NTN4: variants seen among roughly 807,000 people sequenced by gnomAD.
NTN4 encodes the protein netrin-4.
NTN4 carries 32 observed loss-of-function variants against 73.6 expected under a neutral mutation model. The ratio of observed to expected loss-of-function variants is 0.44; its 90% CI spans 0.33 to 0.58. The LOEUF is 0.58. Ranked by LOEUF, NTN4 falls within the 20% of genes least tolerant of loss-of-function variation. NTN4 has a pLI of 0.04. For missense variants in NTN4, 654 were observed against 798.3 expected (o/e 0.82, Z 2.18); for synonymous variants, 258 against 287.5 (o/e 0.90, Z 1.04).
intron 2 of NTN4, among the ~76,000 whole-genome samples, chr12:95,767,226 T>C (rs924552476): frequency 6.6e-6 from 1 of 152,072 alleles, no homozygotes; most frequent in African/African-American, 2.4e-5. Context: ...CAGGTGCACT[T>C]TTCCATGGAA....
intron 3 of NTN4, among the ~76,000 whole-genome samples, chr12:95,727,562 C>G (rs1025292042): frequency 1.3e-5 from 2 of 152,208 alleles, no homozygotes; most frequent in African/African-American, 4.8e-5. Context: ...AATTTTAGCT[C>G]TATATTTAGG....
At chr12:95,785,047 C>G (rs917961245) in intron 2 of NTN4, among the ~76,000 whole-genome samples, 3 of 152,132 alleles carry the variant, frequency 2.0e-5, no homozygotes, top group East Asian at 1.9e-4. Context: ...AATGAGCATG[C>G]CTGCCATCTG....
chr12:95,716,917 C>T (rs911908799), intron 3 of NTN4, among the ~76,000 whole-genome samples: 4 of 151,976 alleles, frequency 2.6e-5, no homozygotes, highest in Non-Finnish European at 5.9e-5. Flanking sequence ...GGAAGTGATC[C>T]TCCCATCTGA....
intron 5 of NTN4, among the ~76,000 whole-genome samples, chr12:95,698,371 A>G (rs2078457737): frequency 6.6e-6 from 1 of 152,186 alleles, no homozygotes; most frequent in Admixed American, 6.5e-5. Context: ...GACCTTCTGA[A>G]GATTTTGATA....
chr12:95,686,063 GTTATTT>G (rs1167555335), intron 5 of NTN4, among the ~76,000 whole-genome samples: 1 of 149,610 alleles, frequency 6.7e-6, no homozygotes, highest in Non-Finnish European at 1.5e-5. Flanking sequence ...TTTGTAATTT[GTTATTT>G]TTTTATAGCG....
intron 9 of NTN4, among the ~76,000 whole-genome samples, chr12:95,663,236 A>G (rs1020624696): frequency 3.3e-5 from 5 of 152,260 alleles, no homozygotes; most frequent in African/African-American, 1.2e-4. Flanking sequence ...AAGTATAAAT[A>G]TAAGTTAAAT....
chr12:95,721,417 C>A (rs969961057), intron 3 of NTN4, among the ~76,000 whole-genome samples: 1 of 152,168 alleles, frequency 6.6e-6, no homozygotes, highest in African/African-American at 2.4e-5. Flanking sequence ...ACTTTTTGAT[C>A]TTCACTGGTT....
At chr12:95,726,654 G>A (rs765745557) in intron 3 of NTN4, among the ~76,000 whole-genome samples, 116 of 152,196 alleles carry the variant, frequency 7.6e-4, no homozygotes, top group Non-Finnish European at 1.4e-3. Context: ...GGGTCATATG[G>A]CAACTCCATA....
At chr12:95,684,690 C>T (rs2078348118) in intron 5 of NTN4, among the ~76,000 whole-genome samples, 1 of 152,114 alleles carries the variant, frequency 6.6e-6, no homozygotes, top group African/African-American at 2.4e-5. Context: ...AGTCTGACAA[C>T]CTGCAGCAGT....
chr12:95,780,799 G>A (rs749449121), intron 2 of NTN4, among the ~76,000 whole-genome samples: 10 of 152,158 alleles, frequency 6.6e-5, no homozygotes, highest in Admixed American at 4.6e-4. Context: ...TCCCTTTACC[G>A]GGTATATACC....
intron 5 of NTN4, among the ~76,000 whole-genome samples, chr12:95,694,323 G>C (rs1390535954): frequency 6.6e-6 from 1 of 152,078 alleles, no homozygotes; most frequent in South Asian, 2.1e-4. Context: ...GACCCCGGCG[G>C]CCACTCCCTC....
At chr12:95,710,978 T>C (rs565069286) in intron 4 of NTN4, among the ~76,000 whole-genome samples, 5 of 152,204 alleles carry the variant, frequency 3.3e-5, no homozygotes, top group Non-Finnish European at 5.9e-5. Context: ...CACTCCAGCC[T>C]CTGTCTCAAA....
intron 3 of NTN4, among the ~76,000 whole-genome samples, chr12:95,735,170 C>A (rs539215409): frequency 1.3e-5 from 2 of 152,160 alleles, no homozygotes; most frequent in East Asian, 3.8e-4. Context: ...GTGGAAAAAT[C>A]GAAAACCAGA....
chr12:95,757,656 G>C lies in NTN4; in HGVS notation c.586-19512C>G, dbSNP rs776987465. Among the ~76,000 whole-genome samples, 14 of 146,916 alleles carry C rather than the reference G, an allele frequency of 9.5e-5. No homozygotes were observed. The Middle Eastern group carries it at 0.011, about 111-fold the overall frequency. On this transcript the variant is annotated intron_variant, in intron 2 of 9. Coordinates refer to ENST00000343702, the MANE Select transcript of NTN4 (RefSeq NM_021229.4). ...GAGCTTTGGGGGCCATCTATGGTTA[G>C]AGCTCAGAAAGAAGAAGAGCCAAAA...
At chr12:95,738,345 A>G (rs1260051695) in intron 2 of NTN4, among the ~76,000 whole-genome samples, 1 of 152,216 alleles carries the variant, frequency 6.6e-6, no homozygotes, top group Admixed American at 6.5e-5. Context: ...GTTTGTACAC[A>G]GAAGTATACA....
chr12:95,723,136 ATC>A (rs1226592073), intron 3 of NTN4, among the ~76,000 whole-genome samples: 2 of 152,040 alleles, frequency 1.3e-5, no homozygotes, highest in African/African-American at 2.4e-5. Context: ...AACAAAACAA[ATC>A]TCTCTTTTGT....
At chr12:95,696,086 C>T (rs1221101268) in intron 5 of NTN4, among the ~76,000 whole-genome samples, 1 of 151,836 alleles carries the variant, frequency 6.6e-6, no homozygotes, top group African/African-American at 2.4e-5. Flanking sequence ...TCTATGCAGG[C>T]ACCTAGCCAG....
At chr12:95,741,127 G>A (rs2078820342) in intron 2 of NTN4, among the ~76,000 whole-genome samples, 2 of 152,018 alleles carry the variant, frequency 1.3e-5, no homozygotes, top group South Asian at 2.1e-4. Context: ...CCACTGCAGG[G>A]AACAACCTTG....
intron 9 of NTN4, among the ~76,000 whole-genome samples, chr12:95,664,052 T>C (rs973002528): frequency 3.9e-5 from 6 of 152,158 alleles, no homozygotes; most frequent in Non-Finnish European, 7.3e-5. Context: ...ATTTTATTTA[T>C]GTATTTTTAA....
Sources: gnomAD v4.1 joint callset for allele counts (sites outside exome capture counted in the v4.1 genomes callset) on GRCh38, gnomAD v4.1.1 for gene constraint, MANE v1.5 for transcripts, NCBI Gene and HGNC (gene_info 2026-07-23, HGNC 2026-07-21) for gene names.